Variants in RABGAP1L observed in about 807,000 individuals in gnomAD.
The protein encoded by RABGAP1L is rab GTPase-activating protein 1-like.
RABGAP1L carries 63 observed loss-of-function variants against 137.7 expected under a neutral mutation model. The observed-to-expected ratio is 0.46, with a 90% CI of 0.37 to 0.56. RABGAP1L has a LOEUF of 0.56. Ranked by LOEUF, RABGAP1L falls within the 20% of genes least tolerant of loss-of-function variation. The probability of loss-of-function intolerance (pLI) is 0.00; values close to 1 mark genes in which losing one functional copy is unlikely to be tolerated. For missense variants in RABGAP1L, 1,095 were observed against 1,244.0 expected (o/e 0.88, Z 1.80); for synonymous variants, 431 against 433.7 (o/e 0.99, Z 0.08).
intron 15 of RABGAP1L, among the ~76,000 whole-genome samples, chr1:174,693,191 A>T (rs1311480083): frequency 6.6e-6 from 1 of 152,200 alleles, no homozygotes. Flanking sequence ...GCGTGACCTT[A>T]CTAAAAATAA....
intron 11 of RABGAP1L, among the ~76,000 whole-genome samples, chr1:174,337,530 A>T (rs975696946): frequency 6.6e-6 from 1 of 152,142 alleles, no homozygotes; most frequent in African/African-American, 2.4e-5. Flanking sequence ...AAATCACTGG[A>T]GGGATTTGAG....
At chr1:174,457,819 C>A (rs1656215446) in intron 13 of RABGAP1L, among the ~76,000 whole-genome samples, 1 of 152,016 alleles carries the variant, frequency 6.6e-6, no homozygotes, top group African/African-American at 2.4e-5. Flanking sequence ...CTTCTTAGAC[C>A]ACTTTTTCTA....
intron 1 of RABGAP1L, among the ~76,000 whole-genome samples, chr1:174,183,426 C>T (rs1666541262): frequency 6.6e-6 from 1 of 152,100 alleles, no homozygotes; most frequent in Non-Finnish European, 1.5e-5. Flanking sequence ...GTGCGAGCCG[C>T]TGTAACCGGC....
chr1:174,191,659 G>A (rs959061847), intron 1 of RABGAP1L, among the ~76,000 whole-genome samples: 2 of 152,170 alleles, frequency 1.3e-5, no homozygotes, highest in Non-Finnish European at 2.9e-5. Flanking sequence ...CCACATTCCT[G>A]TTGCTTTCTT....
chr1:174,608,761 A>C (rs933220799), intron 13 of RABGAP1L, among the ~76,000 whole-genome samples: 2 of 152,172 alleles, frequency 1.3e-5, no homozygotes, highest in African/African-American at 4.8e-5. Context: ...TGCTTCAGGT[A>C]GATTAACCTA....
At position 174,664,390 on chromosome 1, in the gene RABGAP1L, G is replaced by A. The variant is rs913893680; in HGVS notation, c.1825-19132G>A. On this transcript the variant is annotated intron_variant, in intron 14 of 25. Coordinates refer to ENST00000681986, the MANE Select transcript of RABGAP1L (RefSeq NM_001366446.1). ...ACATTAACCTCCAATGAAGCCTTGA[G>A]ATGTGTCTTCAATATATTTATATTC... 2.0e-5 allele frequency among the ~76,000 whole-genome samples: 3 copies of A among 152,234 alleles called. No individual in the cohort carries two copies. The East Asian group carries it at 5.8e-4, about 29-fold the overall frequency.
At chr1:174,926,850 G>A (rs1662918702) in intron 19 of RABGAP1L, among the ~76,000 whole-genome samples, 1 of 151,916 alleles carries the variant, frequency 6.6e-6, no homozygotes, top group African/African-American at 2.4e-5. Context: ...CTAGGCAGGT[G>A]GATCACAAGG....
chr1:174,693,649 T>C (rs1362358333), intron 15 of RABGAP1L, among the ~76,000 whole-genome samples: 2 of 152,234 alleles, frequency 1.3e-5, no homozygotes, highest in African/African-American at 2.4e-5. Flanking sequence ...ATTGCTTATT[T>C]AATCATTCCT....
At chr1:174,514,581 C>T (rs1389755797) in intron 13 of RABGAP1L, among the ~76,000 whole-genome samples, 1 of 152,182 alleles carries the variant, frequency 6.6e-6, no homozygotes, top group African/African-American at 2.4e-5. Context: ...TGCATAAGAA[C>T]ATTGAGGCCA....
At chr1:174,646,772 A>T (rs1481013145) in intron 14 of RABGAP1L, among the ~76,000 whole-genome samples, 2 of 152,102 alleles carry the variant, frequency 1.3e-5, no homozygotes, top group Non-Finnish European at 2.9e-5. Flanking sequence ...CTTGATGGGG[A>T]TAGCATTGAA....
At chr1:174,961,135 C>A (rs1669052596) in intron 20 of RABGAP1L, among the ~76,000 whole-genome samples, 2 of 152,186 alleles carry the variant, frequency 1.3e-5, no homozygotes, top group South Asian at 4.1e-4. Context: ...TCTTAACTTG[C>A]ACCTGACCAG....
intron 19 of RABGAP1L, among the ~76,000 whole-genome samples, chr1:174,884,337 AAAAC>A (rs1654736409): frequency 6.6e-6 from 1 of 152,254 alleles, no homozygotes; most frequent in African/African-American, 2.4e-5. Context: ...GCCAAATTAA[AAAAC>A]AAAATTCAGA....
intron 13 of RABGAP1L, among the ~76,000 whole-genome samples, chr1:174,454,348 T>A (rs943473423): frequency 2.6e-5 from 4 of 152,194 alleles, no homozygotes; most frequent in African/African-American, 7.2e-5. Context: ...AATAACACTA[T>A]CCAATAATGT....
At chr1:174,753,935 A>G (rs1034520101) in intron 18 of RABGAP1L, among the ~76,000 whole-genome samples, 1 of 152,182 alleles carries the variant, frequency 6.6e-6, no homozygotes, top group African/African-American at 2.4e-5. Context: ...TGAATGCTTA[A>G]TCTGTCTTTT....
intron 13 of RABGAP1L, among the ~76,000 whole-genome samples, chr1:174,578,145 A>G (rs1051310931): frequency 2.6e-5 from 4 of 152,204 alleles, no homozygotes; most frequent in Non-Finnish European, 5.9e-5. Flanking sequence ...ATACTTTTAA[A>G]AAAATTAAAC....
At chr1:174,844,700 C>T (rs1379891743) in intron 19 of RABGAP1L, among the ~76,000 whole-genome samples, 19 of 117,374 alleles carry the variant, frequency 1.6e-4, no homozygotes, top group East Asian at 5.0e-4. Flanking sequence ...ATTGACTTGG[C>T]GATGCGGGCT....
intron 13 of RABGAP1L, among the ~76,000 whole-genome samples, chr1:174,410,956 C>T (rs970934409): frequency 1.3e-5 from 2 of 152,010 alleles, no homozygotes; most frequent in South Asian, 2.1e-4. Flanking sequence ...AATCTTTTAC[C>T]TCCTTGGTTA....
At chr1:174,516,630 A>G (rs1238003056) in intron 13 of RABGAP1L, among the ~76,000 whole-genome samples, 1 of 152,200 alleles carries the variant, frequency 6.6e-6, no homozygotes, top group Non-Finnish European at 1.5e-5. Flanking sequence ...ACAGTAGATA[A>G]TATTTACTGA....
intron 19 of RABGAP1L, among the ~76,000 whole-genome samples, chr1:174,868,927 G>C (rs1651737013): frequency 6.6e-6 from 1 of 151,878 alleles, no homozygotes; most frequent in African/African-American, 2.4e-5. Flanking sequence ...AGTTGTTTAT[G>C]GAAAATTGGT....
Sources: allele counts gnomAD v4.1 joint callset (sites outside exome capture counted in the v4.1 genomes callset), GRCh38; gene constraint gnomAD v4.1.1; transcripts MANE v1.5; gene names NCBI Gene and HGNC (gene_info 2026-07-23, HGNC 2026-07-21).